The following CAPRIN1 variants were observed in gnomAD, a reference collection of about 807,000 sequenced individuals.
CAPRIN1 encodes cell cycle associated protein 1, also known as caprin-1.
Under a neutral mutation model 100.9 loss-of-function variants are expected in CAPRIN1, and 29 were observed. The observed-to-expected ratio is 0.29, with a 90% CI of 0.21 to 0.39. CAPRIN1 has a LOEUF of 0.39. Among genes scored for constraint, CAPRIN1 ranks in the 10% least tolerant of loss-of-function variants. The pLI, the probability that CAPRIN1 is intolerant of heterozygous loss-of-function variation, is 1.00. For missense variants in CAPRIN1, 795 were observed against 876.7 expected, an observed-to-expected ratio of 0.91 and a Z score of 1.18; for synonymous variants, 338 against 307.5, an observed-to-expected ratio of 1.10 and a Z score of -1.04.
At chr11:34,078,941 C>T (rs911318024) in intron 6 of CAPRIN1, among the ~76,000 whole-genome samples, 8 of 152,160 alleles carry the variant, frequency 5.3e-5, no homozygotes, top group African/African-American at 1.9e-4. Flanking sequence ...GTATTTGATA[C>T]CACTTCTGTT....
intron 2 of CAPRIN1, among the ~76,000 whole-genome samples, chr11:34,071,508 T>C (rs1256512180): frequency 6.6e-6 from 1 of 152,102 alleles, no homozygotes; most frequent in Non-Finnish European, 1.5e-5. Context: ...GAGGTTGCAT[T>C]GAGACAAGAT....
intron 2 of CAPRIN1, chr11:34,052,943 C>T (rs1180675670): frequency 3.6e-5 from 44 of 1,223,126 alleles, no homozygotes; most frequent in Non-Finnish European, 4.4e-5. Context: ...GGGTGGGGGC[C>T]TGTCGTCAGG....
chr11:34,076,511 TTTAAG>T, intron 5 of CAPRIN1, 37 bp downstream of exon 5: 1 of 1,607,564 alleles, frequency 6.2e-7, no homozygotes, highest in South Asian at 1.1e-5. Flanking sequence ...CTTCTGAGTA[TTTAAG>T]TTGACAACTG....
chr11:34,090,827 AT>A (rs1851249829), intron 14 of CAPRIN1, 149 bp downstream of exon 14: 3 of 671,266 alleles, frequency 4.5e-6, no homozygotes, highest in African/African-American at 3.6e-5. Flanking sequence ...TAAACTGATT[AT>A]TCCAGAGATT....
chr11:34,099,180 C>A, intron 18 of CAPRIN1, 123 bp from the exon 19 acceptor site: 1 of 1,504,030 alleles, frequency 6.6e-7, no homozygotes, highest in South Asian at 1.3e-5. Context: ...AAGAATTGAC[C>A]TCTTAAGCCT....
intron 2 of CAPRIN1, among the ~76,000 whole-genome samples, chr11:34,055,437 C>T (rs1291451936): frequency 6.6e-6 from 1 of 152,200 alleles, no homozygotes; most frequent in East Asian, 1.9e-4. Context: ...ATTCTCCTGC[C>T]TCGGCCCCCC....
chr11:34,084,607 C>G (rs1449326066), intron 9 of CAPRIN1, among the ~76,000 whole-genome samples: 1 of 152,130 alleles, frequency 6.6e-6, no homozygotes, highest in East Asian at 1.9e-4. Flanking sequence ...TGTTTCACAT[C>G]TCAAGAGTAC....
Position 34,076,376 on chromosome 11 carries a change from A to G in CAPRIN1, c.507A>G (p.Lys169=), listed in dbSNP as rs1850907494. The change falls in exon 5 of 19, where the codon AAA becomes AAG. Residue 169 remains lysine, a synonymous_variant. Coordinates refer to ENST00000341394, the MANE Select transcript of CAPRIN1 (RefSeq NM_005898.5). ...ATGATGAAGTGCGGACTGACCTGAA[A>G]CAAGGTTTGAATGGAGTGCCAATAT... ...LGDDEVRTDL[K]QGLNGVPILS... 6.2e-7 allele frequency: 1 copy of G among 1,614,216 alleles called. No homozygotes were observed. The highest frequency in any genetic ancestry group is 8.5e-7 in the Non-Finnish European group (1 of 1,180,030).
At chr11:34,055,910 C>T (rs1021070804) in intron 2 of CAPRIN1, 4 of 152,160 alleles carry the variant, frequency 2.6e-5, no homozygotes, top group Non-Finnish European at 5.9e-5. Flanking sequence ...AAAACTATAT[C>T]TTTTGCCCTT....
At chr11:34,097,962 A>G (rs1266671681) in intron 18 of CAPRIN1, 6 of 1,318,548 alleles carry the variant, frequency 4.6e-6, no homozygotes, top group South Asian at 2.2e-5. Flanking sequence ...CCCTGTTACT[A>G]TATAAACTGT....
chr11:34,098,834 C>CT (rs1851410280), intron 18 of CAPRIN1: 1 of 984,996 alleles, frequency 1.0e-6, no homozygotes, highest in African/African-American at 1.7e-5. Flanking sequence ...TATGTAGTTT[C>CT]TTTTTAACAG....
intron 4 of CAPRIN1, 138 bp from the exon 5 acceptor site, chr11:34,076,098 C>T (rs1480105694): frequency 3.2e-6 from 2 of 621,806 alleles, no homozygotes; most frequent in Non-Finnish European, 5.6e-6. Context: ...ATTTGTAAGT[C>T]AGGAATCATC....
At chr11:34,055,782 TAGC>T (rs1425255253) in intron 2 of CAPRIN1, 4 of 152,236 alleles carry the variant, frequency 2.6e-5, no homozygotes, top group African/African-American at 9.6e-5. Context: ...AAGTGGTAGA[TAGC>T]AGCAAAAAGG....
intron 7 of CAPRIN1, among the ~76,000 whole-genome samples, chr11:34,081,023 C>T (rs1851018505): frequency 6.6e-6 from 1 of 152,094 alleles, no homozygotes. Context: ...TATAGTAGCT[C>T]TTTATTTGCA....
At chr11:34,058,366 AC>A (rs2134084622) in intron 2 of CAPRIN1, among the ~76,000 whole-genome samples, 1 of 152,118 alleles carries the variant, frequency 6.6e-6, no homozygotes, top group East Asian at 1.9e-4. Context: ...CAAACTCCTG[AC>A]CTCAAGTGAT....
chr11:34,073,539 T>TC (rs1450410463), intron 4 of CAPRIN1, among the ~76,000 whole-genome samples: 1 of 152,148 alleles, frequency 6.6e-6, no homozygotes, highest in Non-Finnish European at 1.5e-5. Flanking sequence ...CACTGCAACC[T>TC]CCGCCTCCTG....
At chr11:34,059,065 C>A (rs781709743) in intron 2 of CAPRIN1, among the ~76,000 whole-genome samples, 1 of 152,112 alleles carries the variant, frequency 6.6e-6, no homozygotes, top group African/African-American at 2.4e-5. Context: ...TCATTTATTT[C>A]TTTCTTTCAC....
chr11:34,089,547 A>G (rs902959107), intron 12 of CAPRIN1, 91 bp downstream of exon 12: 1 of 703,908 alleles, frequency 1.4e-6, no homozygotes, highest in African/African-American at 1.8e-5. Flanking sequence ...TGGGAGGATC[A>G]CTTGAGGTCA....
intron 1 of CAPRIN1, chr11:34,052,077 T>C: frequency 7.3e-6 from 1 of 136,224 alleles, no homozygotes; most frequent in Admixed American, 8.4e-5. Flanking sequence ...AAGCCGGCCC[T>C]CCCCGGTAGG....
Sources: gnomAD v4.1 joint callset for allele counts (sites outside exome capture counted in the v4.1 genomes callset) on GRCh38, gnomAD v4.1.1 for gene constraint, MANE v1.5 for transcripts, NCBI Gene and HGNC (gene_info 2026-07-23, HGNC 2026-07-21) for gene names.